MYO1D: variants seen among roughly 807,000 people sequenced by gnomAD.
MYO1D encodes the protein unconventional myosin-Id.
In MYO1D, 83 loss-of-function variants were observed where a neutral mutation model predicts 122.0. The ratio of observed to expected loss-of-function variants is 0.68; its 90% CI spans 0.57 to 0.82. The LOEUF (loss-of-function observed/expected upper bound fraction) is 0.82, where lower values mean the gene tolerates loss of function less well. MYO1D is among the 40% of genes least tolerant of loss of function. MYO1D has a pLI of 0.00. For synonymous variants in MYO1D, 464 were observed against 446.9 expected, an observed-to-expected ratio of 1.04 and a Z score of -0.48; for missense variants, 1,157 against 1,269.5, an observed-to-expected ratio of 0.91 and a Z score of 1.35.
At chr17:32,869,489 A>T (rs2091159733) in intron 1 of MYO1D, among the ~76,000 whole-genome samples, 1 of 152,220 alleles carries the variant, frequency 6.6e-6, no homozygotes, top group Non-Finnish European at 1.5e-5. Flanking sequence ...CCGACTTAGC[A>T]GTGGCTGGGC....
chr17:32,616,482 C>CTTTT (rs552603493), intron 20 of MYO1D, among the ~76,000 whole-genome samples: 1 of 135,554 alleles, frequency 7.4e-6, no homozygotes, highest in African/African-American at 2.8e-5. Flanking sequence ...TAATTAAAAA[C>CTTTT]TTTTTTTTTT....
intron 16 of MYO1D, among the ~76,000 whole-genome samples, chr17:32,673,047 T>G (rs2150961539): frequency 6.7e-6 from 1 of 148,638 alleles, no homozygotes; most frequent in Admixed American, 6.8e-5. Context: ...CTTTCTTCAT[T>G]AACTTCTGGT....
chr17:32,566,106 C>T (rs1400365406), intron 21 of MYO1D, among the ~76,000 whole-genome samples: 2 of 152,100 alleles, frequency 1.3e-5, no homozygotes, highest in Non-Finnish European at 2.9e-5. Flanking sequence ...TCATTCAACA[C>T]ATAGTTCCTG....
At chr17:32,562,172 T>C (rs1434578356) in intron 21 of MYO1D, among the ~76,000 whole-genome samples, 1 of 151,930 alleles carries the variant, frequency 6.6e-6, no homozygotes, top group Non-Finnish European at 1.5e-5. Flanking sequence ...GTTTTTGTAT[T>C]TTTTTGTAGA....
At chr17:32,782,728 G>A (rs1452576699) in intron 1 of MYO1D, among the ~76,000 whole-genome samples, 1 of 152,140 alleles carries the variant, frequency 6.6e-6, no homozygotes, top group Non-Finnish European at 1.5e-5. Flanking sequence ...TTGAGACCAG[G>A]AGTTTGAGAC....
chr17:32,560,549 A>C lies in MYO1D; in HGVS notation c.2864+44538T>G, dbSNP rs1242813103. On this transcript the variant is annotated intron_variant, in intron 21 of 21. Coordinates refer to ENST00000318217, the MANE Select transcript of MYO1D (RefSeq NM_015194.3). ...ACAACATATATATATATATATATAT[A>C]TATATATATATATATATATATATAT... 2.7e-3 allele frequency among the ~76,000 whole-genome samples: 288 copies of C among 106,698 alleles called. 29 individuals are homozygous for C. Among genetic ancestry groups the C allele is most frequent in the Middle Eastern group, 0.013 (3 of 224 alleles). 70.0% of individuals were successfully genotyped at this position (106,698 alleles called of 152,430 possible). A position where few individuals can be genotyped will look rare whatever the true frequency, so the allele number is the denominator to read the frequency against.
Position 32,494,572 on chromosome 17 carries a change from G to T in MYO1D, c.*187C>A. 1.4e-6 allele frequency: 1 copy of T among 722,252 alleles called. No homozygotes were observed. Among genetic ancestry groups the T allele is most frequent in the Non-Finnish European group, 2.2e-6 (1 of 451,174 alleles). 44.7% of individuals were successfully genotyped at this position (722,252 alleles called of 1,614,324 possible). On this transcript the variant is annotated 3_prime_UTR_variant, in exon 22 of 22. Transcript: ENST00000318217. Reference sequence around the variant, plus strand: ...TTTGGCTTATTGAACAGGGACCGTGGACAGTAAGGACAGAGGAAGATGATA... The same window carrying T: ...TTTGGCTTATTGAACAGGGACCGTGTACAGTAAGGACAGAGGAAGATGATA...
intron 14 of MYO1D, among the ~76,000 whole-genome samples, chr17:32,729,139 T>TGA (rs975768871): frequency 6.6e-5 from 10 of 152,152 alleles, no homozygotes; most frequent in African/African-American, 2.4e-4. Flanking sequence ...CTTATTCTCT[T>TGA]GAACTTTTTC....
Position 32,775,877 on chromosome 17 carries a change from T to A in MYO1D, c.551A>T (p.Tyr184Phe). 3 of 1,610,674 alleles carry A rather than the reference T, an allele frequency of 1.9e-6. No homozygotes were observed. Among genetic ancestry groups the A allele is most frequent in the Non-Finnish European group, 2.5e-6 (3 of 1,178,360 alleles). Reference sequence around the variant, plus strand: ...AGCATATTTTACCTTTTCTAGTAAGTAGTTATTGATATGCCCACCAATAGG... The same window carrying A: ...AGCATATTTTACCTTTTCTAGTAAGAAGTTATTGATATGCCCACCAATAGG... ...GDPIGGHINN[Y>F]LLEKSRVIVQ... is the part of the protein sequence containing the mutation. Residue 184 changes from tyrosine to phenylalanine, a missense_variant, in exon 4 of 22, where the codon TAC (tyrosine) becomes TTC (phenylalanine). By Grantham distance (22) the Tyr-to-Phe change is conservative. Transcript: ENST00000318217.
At chr17:32,605,820 C>T (rs951012851) in intron 20 of MYO1D, among the ~76,000 whole-genome samples, 41 of 152,134 alleles carry the variant, frequency 2.7e-4, no homozygotes, top group African/African-American at 9.9e-4. Context: ...GTGGCTCACA[C>T]CTGTAATCCT....
chr17:32,777,609 C>T (rs550235284), intron 3 of MYO1D, among the ~76,000 whole-genome samples: 1 of 152,276 alleles, frequency 6.6e-6, no homozygotes, highest in Non-Finnish European at 1.5e-5. Context: ...ACTCATCTTC[C>T]CATGAGCAAT....
chr17:32,869,228 A>C (rs1821247146), intron 1 of MYO1D, among the ~76,000 whole-genome samples: 1 of 152,146 alleles, frequency 6.6e-6, no homozygotes, highest in African/African-American at 2.4e-5. Flanking sequence ...CAAAAAAAAA[A>C]AGAGATCTAG....
intron 3 of MYO1D, among the ~76,000 whole-genome samples, chr17:32,777,727 C>T (rs8077513): frequency 0.037 from 5,629 of 151,948 alleles, 335 homozygotes; most frequent in African/African-American, 0.13. Context: ...GGACGGGTCA[C>T]GAGGTCAGGA....
chr17:32,565,852 CT>C (rs1357481411), intron 21 of MYO1D, among the ~76,000 whole-genome samples: 1 of 152,144 alleles, frequency 6.6e-6, no homozygotes, highest in Non-Finnish European at 1.5e-5. Context: ...TCCCAAGTAG[CT>C]GGGACTACAG....
intron 13 of MYO1D, among the ~76,000 whole-genome samples, chr17:32,743,531 A>C (rs1030093939): frequency 2.0e-5 from 3 of 152,078 alleles, no homozygotes; most frequent in African/African-American, 7.2e-5. Context: ...CTCTACTTTC[A>C]AAATATCACC....
At chr17:32,847,138 C>A (rs1257230297) in intron 1 of MYO1D, among the ~76,000 whole-genome samples, 2 of 152,140 alleles carry the variant, frequency 1.3e-5, no homozygotes, top group Admixed American at 6.5e-5. Flanking sequence ...CCATGTAGCC[C>A]ATGAGTCTTT....
chr17:32,520,245 G>A (rs1382608866), intron 21 of MYO1D, among the ~76,000 whole-genome samples: 1 of 152,138 alleles, frequency 6.6e-6, no homozygotes, highest in African/African-American at 2.4e-5. Context: ...GCTGAGCCCC[G>A]GGACCTGCCG....
rs188900850 is a variant in MYO1D at position 32,579,840 on chromosome 17, G to A, written c.2864+25247C>T. ...AATAGCTCATTCTTTTTATTACCGA[G>A]TAGTAGTTCACTGTATGGATATAAC... On this transcript the variant is annotated intron_variant, in intron 21 of 21. Coordinates refer to ENST00000318217, the MANE Select transcript of MYO1D (RefSeq NM_015194.3). Among the ~76,000 whole-genome samples, 13 of 152,288 alleles carry A rather than the reference G, an allele frequency of 8.5e-5. No individual in the cohort carries two copies. The East Asian group carries it at 1.2e-3, about 14-fold the overall frequency.
intron 14 of MYO1D, among the ~76,000 whole-genome samples, chr17:32,737,362 C>CTTTTTTTTTTTTT (rs59432486): frequency 7.0e-6 from 1 of 142,134 alleles, no homozygotes; most frequent in Non-Finnish European, 1.5e-5. Context: ...AATAATACAA[C>CTTTTTTTTTTTTT]TTTTTTTTTT....
Sources: allele counts gnomAD v4.1 joint callset (sites outside exome capture counted in the v4.1 genomes callset), GRCh38; gene constraint gnomAD v4.1.1; transcripts MANE v1.5; gene names NCBI Gene and HGNC (gene_info 2026-07-23, HGNC 2026-07-21).